The following SPDYE5 variants were observed in gnomAD, a reference collection of about 807,000 sequenced individuals.
SPDYE5 encodes the protein speedy/RINGO cell cycle regulator family member E5.
A neutral mutation model predicts 48.5 loss-of-function variants in SPDYE5; 15 were observed. The ratio of observed to expected loss-of-function variants is 0.31; its 90% CI spans 0.21 to 0.48. The LOEUF is 0.48. SPDYE5 is among the 20% of genes least tolerant of loss of function. SPDYE5 has a pLI of 0.99. For synonymous variants in SPDYE5, 116 were observed against 200.7 expected (o/e 0.58, Z 3.57); for missense variants, 331 against 549.1 (o/e 0.60, Z 3.97).
chr7:75,500,656 CTTT>C (rs1301366134), intron 6 of SPDYE5, among the ~76,000 whole-genome samples: 5 of 151,898 alleles, frequency 3.3e-5, no homozygotes, highest in African/African-American at 9.7e-5. Flanking sequence ...ACCTCAGCTT[CTTT>C]ATTAGCTCCG....
At chr7:75,500,576 C>T (rs1289805618) in intron 6 of SPDYE5, among the ~76,000 whole-genome samples, 1 of 151,412 alleles carries the variant, frequency 6.6e-6, no homozygotes, top group African/African-American at 2.4e-5. Flanking sequence ...CCCTGTCCCC[C>T]AAGCTGGAGT....
chr7:75,493,908 G>A lies in SPDYE5; in HGVS notation c.-140G>A. 2 of 1,474,174 alleles carry A rather than the reference G, an allele frequency of 1.4e-6. No homozygotes were observed. Among genetic ancestry groups the A allele is most frequent in the Non-Finnish European group, 1.8e-6 (2 of 1,115,932 alleles). 91.3% of individuals were successfully genotyped at this position (1,474,174 alleles called of 1,614,324 possible). A position where few individuals can be genotyped will look rare whatever the true frequency, so the allele number is the denominator to read the frequency against. ...ATCAGAGATTCCGACCATCCTGATTGGAGGGACCGGACTCCGTGGTGCCTG... is the reference window on the plus strand; with the variant it reads ...ATCAGAGATTCCGACCATCCTGATTAGAGGGACCGGACTCCGTGGTGCCTG... On this transcript the variant is annotated 5_prime_UTR_variant, in exon 2 of 9. An upstream open reading frame in the 5' UTR gains an earlier in-frame stop. Transcript: ENST00000625065.
intron 6 of SPDYE5, among the ~76,000 whole-genome samples, chr7:75,501,132 A>C (rs1337880387): frequency 4.6e-5 from 7 of 152,164 alleles, no homozygotes; most frequent in Admixed American, 4.6e-4. Flanking sequence ...GGCATAAGCC[A>C]CCACTCTCGG....
At position 75,503,584 on chromosome 7, in the gene SPDYE5, T is replaced by C. The variant is rs1793225353; in HGVS notation, c.*797T>C. Reference sequence around the variant, plus strand: ...TCTTCTATTTATAGCTATTGGTAGTTCCCCACCACAAAAAAAACATAATTC... The same window carrying C: ...TCTTCTATTTATAGCTATTGGTAGTCCCCCACCACAAAAAAAACATAATTC... On this transcript the variant is annotated 3_prime_UTR_variant, in exon 9 of 9. Transcript: ENST00000625065. 1 of 151,674 alleles carries C rather than the reference T, an allele frequency of 6.6e-6. No homozygotes were observed. Among genetic ancestry groups the C allele is most frequent in the African/African-American group, 2.4e-5 (1 of 41,410 alleles). The allele number at this position is 151,674 out of a possible 1,614,324, so 9.4% of individuals were successfully genotyped here. A position where few individuals can be genotyped will look rare whatever the true frequency, so the allele number is the denominator to read the frequency against.
chr7:75,494,316 C>T (rs1386153775), intron 2 of SPDYE5, 109 bp downstream of exon 2: 54 of 1,445,296 alleles, frequency 3.7e-5, no homozygotes, highest in Admixed American at 1.4e-4. Context: ...GAGGCCGAGG[C>T]GGGCGGATCA....
Position 75,501,616 on chromosome 7 carries a change from G to T in SPDYE5, c.1010G>T (p.Arg337Leu). 1 of 1,611,036 alleles carries T rather than the reference G, an allele frequency of 6.2e-7. No homozygotes were observed. Among genetic ancestry groups the T allele is most frequent in the South Asian group, 1.1e-5 (1 of 90,664 alleles). The change falls in exon 7 of 9, where the codon CGT becomes CTT. Residue 337 changes from arginine to leucine, a missense_variant. Physicochemically the swap from Arg to Leu is moderately radical, Grantham distance 102. This residue lies in a region of SPDYE5 where 101 missense variants were observed against 104.0 expected (regional missense o/e 0.97). Coordinates refer to ENST00000625065, the MANE Select transcript of SPDYE5 (RefSeq NM_001306141.4). ...TCTCGCATACCCTTGCTCCGTAAGC[G>T]TCGGTTCCAGTTAGGCCGTTCCATG... ...NRSRIPLLRK[R>L]RFQLGRSMNL...
At chr7:75,502,193 G>T (rs1177764680) in intron 8 of SPDYE5, among the ~76,000 whole-genome samples, 1 of 150,518 alleles carries the variant, frequency 6.6e-6, no homozygotes, top group African/African-American at 2.4e-5. Context: ...AGCCTGGAAG[G>T]TCGGGGCTGC....
Position 75,501,761 on chromosome 7 carries a change from T to C in SPDYE5, c.1149+6T>C, listed in dbSNP as rs1584743616. ...CCCCGGAGGAGTTGGAGGAGGTAGGTGGGGCCTGGGGAGGTGGAGGAGGTG... is the reference window on the plus strand; with the variant it reads ...CCCCGGAGGAGTTGGAGGAGGTAGGCGGGGCCTGGGGAGGTGGAGGAGGTG... On this transcript the variant is annotated splice_donor_region_variant and intron_variant, in intron 7 of 8. Coordinates refer to ENST00000625065, the MANE Select transcript of SPDYE5 (RefSeq NM_001306141.4). The C allele has an allele frequency of 7.0e-7, 1 of 1,429,554 alleles. No individual in the cohort carries two copies. Among genetic ancestry groups the C allele is most frequent in the African/African-American group, 1.8e-5 (1 of 56,970 alleles). The allele number at this position is 1,429,554 out of a possible 1,614,324, so 88.6% of individuals were successfully genotyped here. A position where few individuals can be genotyped will look rare whatever the true frequency, so the allele number is the denominator to read the frequency against.
Position 75,503,741 on chromosome 7 carries a change from T to A in SPDYE5, c.*954T>A, listed in dbSNP as rs1554483966. ...TACTATCTATTTTATTGGTTTATTT[T>A]GAAAAACATGGGTATAGAATTATTT... On this transcript the variant is annotated 3_prime_UTR_variant, in exon 9 of 9. Transcript: ENST00000625065. The A allele has an allele frequency of 6.7e-6, 1 of 149,520 alleles. No homozygotes were observed. The highest frequency in any genetic ancestry group is 2.4e-5 in the African/African-American group (1 of 41,132). 9.3% of individuals were successfully genotyped at this position (149,520 alleles called of 1,614,324 possible).
At chr7:75,498,614 T>C (rs1554482975) in intron 5 of SPDYE5, among the ~76,000 whole-genome samples, 1 of 152,222 alleles carries the variant, frequency 6.6e-6, no homozygotes, top group South Asian at 2.1e-4. Context: ...CATGCTCAAC[T>C]AATTTTTGAA....
At chr7:75,495,889 A>T (rs1792905722) in intron 3 of SPDYE5, among the ~76,000 whole-genome samples, 1 of 151,776 alleles carries the variant, frequency 6.6e-6, no homozygotes, top group South Asian at 2.1e-4. Context: ...ACAATACAAA[A>T]ATTAGCCAGG....
chr7:75,492,439 CA>C lies in SPDYE5; in HGVS notation c.-423del. Among the ~76,000 whole-genome samples, 1 of 152,136 alleles carries C rather than the reference CA, an allele frequency of 6.6e-6. No individual in the cohort carries two copies. On this transcript the variant is annotated splice_region_variant and 5_prime_UTR_variant, in exon 1 of 9. The change creates a premature stop within an existing upstream ORF in the 5' untranslated region. Coordinates refer to ENST00000625065, the MANE Select transcript of SPDYE5 (RefSeq NM_001306141.4). ...AGGAAAACGTGTGGGAACTCACTCG[CA>C]GGTTCTTTATTTTTTTTGAGATGGA...
chr7:75,497,942 T>G lies in SPDYE5; in HGVS notation c.615T>G (p.Asp205Glu), dbSNP rs1554482831. The change falls in exon 5 of 9, where the codon GAT becomes GAG. Residue 205 changes from aspartate to glutamate, a missense_variant. Asp to Glu is a conservative substitution (Grantham distance 45, BLOSUM62 2). Coordinates refer to ENST00000625065, the MANE Select transcript of SPDYE5 (RefSeq NM_001306141.4). ...HHEAFNRLLE[D>E]PVIKRFLAWD... ...ACATCTGCTCTCTAATCACAGAGGA[T>G]CCTGTCATTAAAAGATTCCTGGCCT... is the stretch of plus-strand genomic sequence containing the variant. 1 of 1,593,718 alleles carries G rather than the reference T, an allele frequency of 6.3e-7. No homozygotes were observed. Among genetic ancestry groups the G allele is most frequent in the African/African-American group, 1.3e-5 (1 of 74,226 alleles).
At position 75,492,457 on chromosome 7, in the gene SPDYE5, T is replaced by C. The variant is rs1554481874; in HGVS notation, c.-422+16T>C. ...TCACTCGCAGGTTCTTTATTTTTTTTGAGATGGAGTTTTGCTCGTTGCCCA... is the reference window on the plus strand; with the variant it reads ...TCACTCGCAGGTTCTTTATTTTTTTCGAGATGGAGTTTTGCTCGTTGCCCA... On this transcript the variant is annotated intron_variant, in intron 1 of 8. Transcript: ENST00000625065. Among the ~76,000 whole-genome samples the C allele has an allele frequency of 6.6e-6, 1 of 152,174 alleles. No homozygotes were observed. The highest frequency in any genetic ancestry group is 1.5e-5 in the Non-Finnish European group (1 of 68,038).
Sources: gnomAD v4.1 joint callset for allele counts (sites outside exome capture counted in the v4.1 genomes callset) on GRCh38, gnomAD v4.1.1 for gene constraint, gnomAD v4.1.1 regional missense constraint, MANE v1.5 for transcripts, NCBI Gene and HGNC (gene_info 2026-07-23, HGNC 2026-07-21) for gene names.